HTR7: variants seen among roughly 807,000 people sequenced by gnomAD.
HTR7 encodes the protein 5-HT-7.
HTR7 carries 16 observed loss-of-function variants against 34.0 expected under a neutral mutation model. The ratio of observed to expected loss-of-function variants is 0.47; its 90% CI spans 0.32 to 0.71. The LOEUF (loss-of-function observed/expected upper bound fraction) is 0.71. HTR7 is among the 30% of genes least tolerant of loss of function. The probability of loss-of-function intolerance (pLI) is 0.04; values close to 1 mark genes in which losing one functional copy is unlikely to be tolerated. For synonymous variants in HTR7, 265 were observed against 260.2 expected (o/e 1.02, Z -0.18); for missense variants, 504 against 625.5 (o/e 0.81, Z 2.07).
chr10:90,822,438 G>T (rs1845999135), intron 1 of HTR7, among the ~76,000 whole-genome samples: 2 of 152,208 alleles, frequency 1.3e-5, no homozygotes, highest in South Asian at 4.1e-4. Context: ...AAGCAGCAAA[G>T]CATTCAAGAC....
chr10:90,798,918 C>T (rs1246177743), intron 1 of HTR7, among the ~76,000 whole-genome samples: 1 of 152,154 alleles, frequency 6.6e-6, no homozygotes, highest in Non-Finnish European at 1.5e-5. Flanking sequence ...AACTAGACCG[C>T]CTTTGTAGAG....
intron 1 of HTR7, among the ~76,000 whole-genome samples, chr10:90,756,742 T>A (rs557611478): frequency 6.6e-6 from 1 of 152,224 alleles, no homozygotes; most frequent in African/African-American, 2.4e-5. Context: ...ATTCTAAAAG[T>A]GCCTGTAAAA....
intron 1 of HTR7, among the ~76,000 whole-genome samples, chr10:90,791,617 C>T (rs1040636693): frequency 2.4e-4 from 36 of 151,954 alleles, no homozygotes; most frequent in African/African-American, 7.7e-4. Context: ...ATGTCATAGC[C>T]CCCAAAATTG....
intron 1 of HTR7, among the ~76,000 whole-genome samples, chr10:90,818,500 C>T (rs904835786): frequency 6.6e-6 from 1 of 151,998 alleles, no homozygotes; most frequent in Non-Finnish European, 1.5e-5. Flanking sequence ...GAGCCGAGAT[C>T]GCACCATTGC....
chr10:90,848,481 T>C (rs1846447373), intron 1 of HTR7, among the ~76,000 whole-genome samples: 1 of 152,254 alleles, frequency 6.6e-6, no homozygotes, highest in South Asian at 2.1e-4. Context: ...TGGAATCACA[T>C]ATGTATATAC....
intron 1 of HTR7, among the ~76,000 whole-genome samples, chr10:90,851,752 C>T (rs1264613245): frequency 6.6e-6 from 1 of 152,040 alleles, no homozygotes; most frequent in Non-Finnish European, 1.5e-5. Context: ...TGTAATAATC[C>T]CCACATGTCA....
At chr10:90,805,005 A>T (rs939941170) in intron 1 of HTR7, among the ~76,000 whole-genome samples, 4 of 152,224 alleles carry the variant, frequency 2.6e-5, no homozygotes, top group African/African-American at 9.7e-5. Context: ...GTAAGCAGAC[A>T]GATGCCTCTC....
intron 1 of HTR7, among the ~76,000 whole-genome samples, chr10:90,770,168 A>G (rs1055861855): frequency 6.6e-6 from 1 of 152,180 alleles, no homozygotes; most frequent in African/African-American, 2.4e-5. Flanking sequence ...ACCTGCAGGG[A>G]GGGCACGGGA....
chr10:90,811,128 C>A (rs1845801221), intron 1 of HTR7, among the ~76,000 whole-genome samples: 1 of 152,162 alleles, frequency 6.6e-6, no homozygotes, highest in South Asian at 2.1e-4. Flanking sequence ...CTCATCCCAA[C>A]CCTTTTCATT....
At chr10:90,780,676 C>T (rs1239510670) in intron 1 of HTR7, among the ~76,000 whole-genome samples, 1 of 152,134 alleles carries the variant, frequency 6.6e-6, no homozygotes, top group East Asian at 1.9e-4. Flanking sequence ...AGGCACAACA[C>T]CACAGGGCAG....
intron 1 of HTR7, among the ~76,000 whole-genome samples, chr10:90,817,255 T>C (rs554304885): frequency 9.9e-5 from 15 of 152,248 alleles, no homozygotes; most frequent in Admixed American, 4.6e-4. Flanking sequence ...CATGGTGAAA[T>C]GGGAAGTTGG....
intron 1 of HTR7, among the ~76,000 whole-genome samples, chr10:90,763,505 T>C (rs148080595): frequency 6.6e-6 from 1 of 152,326 alleles, no homozygotes; most frequent in Non-Finnish European, 1.5e-5. Flanking sequence ...ACATGAAGGT[T>C]TGTTACATAC....
At chr10:90,771,961 T>C (rs1281879200) in intron 1 of HTR7, among the ~76,000 whole-genome samples, 1 of 152,134 alleles carries the variant, frequency 6.6e-6, no homozygotes, top group African/African-American at 2.4e-5. Context: ...TACCTAACTT[T>C]CAAGGTAAAT....
At chr10:90,787,241 G>A (rs1205436605) in intron 1 of HTR7, among the ~76,000 whole-genome samples, 1 of 152,182 alleles carries the variant, frequency 6.6e-6, no homozygotes, top group Non-Finnish European at 1.5e-5. Context: ...TGTAATCCCA[G>A]CACTTTGGGA....
At chr10:90,778,722 T>C (rs1473053740) in intron 1 of HTR7, among the ~76,000 whole-genome samples, 1 of 152,222 alleles carries the variant, frequency 6.6e-6, no homozygotes, top group Non-Finnish European at 1.5e-5. Flanking sequence ...TCTACCTCTG[T>C]ACTTAATTTA....
rs113814144 is a variant in HTR7 at position 90,792,910 on chromosome 10, A to G, written c.540-43316T>C. ...TGAAAATTAACGACAAAAAAAATGA[A>G]CTGAAGACCTAAATATAAGCCCTAA... On this transcript the variant is annotated intron_variant, in intron 1 of 3. Coordinates refer to ENST00000336152, the MANE Select transcript of HTR7 (RefSeq NM_019859.4). Among the ~76,000 whole-genome samples, 7 of 152,138 alleles carry G rather than the reference A, an allele frequency of 4.6e-5. 1 individual carries two copies. The highest frequency in any genetic ancestry group is 1.7e-4 in the African/African-American group (7 of 41,546).
chr10:90,825,233 C>A (rs1846051114), intron 1 of HTR7, among the ~76,000 whole-genome samples: 1 of 151,990 alleles, frequency 6.6e-6, no homozygotes, highest in Admixed American at 6.5e-5. Flanking sequence ...GGCAGTACCT[C>A]TATGAGTCTG....
intron 1 of HTR7, among the ~76,000 whole-genome samples, chr10:90,818,695 C>T (rs79830668): frequency 0.023 from 3,488 of 152,248 alleles, 81 homozygotes; most frequent in Admixed American, 0.059. Flanking sequence ...TCTTCAACTT[C>T]CCAGCCTCCA....
intron 1 of HTR7, among the ~76,000 whole-genome samples, chr10:90,789,715 C>T (rs73314025): frequency 1.3e-5 from 2 of 152,112 alleles, no homozygotes; most frequent in African/African-American, 2.4e-5. Context: ...AAGCACTGCA[C>T]TTGCTGAATG....
Sources: allele counts gnomAD v4.1 joint callset (sites outside exome capture counted in the v4.1 genomes callset), GRCh38; gene constraint gnomAD v4.1.1; transcripts MANE v1.5; gene names NCBI Gene and HGNC (gene_info 2026-07-23, HGNC 2026-07-21).